DAP: variants seen among roughly 807,000 people sequenced by gnomAD.
The protein encoded by DAP is death-associated protein 1.
A neutral mutation model predicts 13.8 loss-of-function variants in DAP; 8 were observed. The ratio of observed to expected loss-of-function variants is 0.58; its 90% CI spans 0.34 to 1.05. The LOEUF (loss-of-function observed/expected upper bound fraction) is 1.05. Ranked by LOEUF, DAP falls within the 50% of genes least tolerant of loss-of-function variation. The probability of loss-of-function intolerance (pLI) is 0.03; values close to 1 mark genes in which losing one functional copy is unlikely to be tolerated. For synonymous variants in DAP, 47 were observed against 47.5 expected, an observed-to-expected ratio of 0.99 and a Z score of 0.04; for missense variants, 106 against 133.2, an observed-to-expected ratio of 0.80 and a Z score of 1.01.
At chr5:10,723,355 C>G (rs267974) in intron 2 of DAP, among the ~76,000 whole-genome samples, 141,628 of 152,348 alleles carry the variant, frequency 0.93, 66,146 homozygotes, top group Non-Finnish European at 0.97. Context: ...GCACAGAGCT[C>G]CTCAGCTGGC....
chr5:10,736,504 G>A (rs1018108398), intron 2 of DAP, among the ~76,000 whole-genome samples: 11 of 152,226 alleles, frequency 7.2e-5, no homozygotes, highest in East Asian at 3.9e-4. Flanking sequence ...GGCTTCACAC[G>A]CAGCGGATGC....
intron 1 of DAP, among the ~76,000 whole-genome samples, chr5:10,754,280 CTTGCCCCCAGA>C (rs768107464): frequency 3.8e-4 from 58 of 152,310 alleles, no homozygotes; most frequent in Middle Eastern, 6.8e-3. Context: ...CAATGAGAAC[CTTGCCCCCAGA>C]CCAAGTGGAG....
chr5:10,750,148 C>T (rs1324734147), intron 1 of DAP, among the ~76,000 whole-genome samples: 7 of 152,150 alleles, frequency 4.6e-5, no homozygotes, highest in African/African-American at 7.2e-5. Flanking sequence ...GCTAACATCA[C>T]GATACAGTCA....
At chr5:10,731,339 G>C (rs963826549) in intron 2 of DAP, among the ~76,000 whole-genome samples, 1 of 152,310 alleles carries the variant, frequency 6.6e-6, no homozygotes, top group East Asian at 1.9e-4. Flanking sequence ...GTGGAGGAAA[G>C]GGAGGAATCT....
Position 10,761,216 on chromosome 5 carries a change from G to C in DAP, c.-148C>G. ...TGGGGCGCCGGGGCCGCGCGAGCCG[G>C]GTGAGTGCCACTGCCGTTAAGGGGG... On this transcript the variant is annotated 5_prime_UTR_variant, in exon 1 of 4. Coordinates refer to ENST00000230895, the MANE Select transcript of DAP (RefSeq NM_004394.3). 3.7e-6 allele frequency: 1 copy of C among 269,124 alleles called. No homozygotes were observed. The highest frequency in any genetic ancestry group is 6.5e-6 in the Non-Finnish European group (1 of 154,300). The allele number at this position is 269,124 out of a possible 1,614,324, so 16.7% of individuals were successfully genotyped here. A position where few individuals can be genotyped will look rare whatever the true frequency, so the allele number is the denominator to read the frequency against.
chr5:10,704,634 AG>A (rs1421520675), intron 2 of DAP, among the ~76,000 whole-genome samples: 1 of 152,220 alleles, frequency 6.6e-6, no homozygotes, highest in Non-Finnish European at 1.5e-5. Flanking sequence ...CCCTTGGCAA[AG>A]CAGAATAGAA....
chr5:10,724,148 T>C (rs923677027), intron 2 of DAP, among the ~76,000 whole-genome samples: 15 of 152,222 alleles, frequency 9.9e-5, no homozygotes, highest in African/African-American at 2.2e-4. Flanking sequence ...GCACCTCTAA[T>C]CCTGTTTAAG....
At chr5:10,746,908 T>C (rs991189188) in intron 2 of DAP, among the ~76,000 whole-genome samples, 1 of 152,186 alleles carries the variant, frequency 6.6e-6, no homozygotes, top group Non-Finnish European at 1.5e-5. Context: ...TTGGCAACTA[T>C]CCATTTGGAA....
intron 1 of DAP, among the ~76,000 whole-genome samples, chr5:10,760,683 T>A (rs1740320124): frequency 6.6e-6 from 1 of 152,206 alleles, no homozygotes; most frequent in Non-Finnish European, 1.5e-5. Flanking sequence ...TCTAAGTAAA[T>A]ATTATCCGCC....
intron 2 of DAP, among the ~76,000 whole-genome samples, chr5:10,732,827 C>A (rs1182622437): frequency 6.6e-6 from 1 of 152,240 alleles, no homozygotes; most frequent in East Asian, 1.9e-4. Flanking sequence ...ACAAAACTTA[C>A]CATCTTAACC....
intron 2 of DAP, among the ~76,000 whole-genome samples, chr5:10,724,866 C>T (rs1429165104): frequency 2.0e-5 from 3 of 152,146 alleles, no homozygotes; most frequent in African/African-American, 7.2e-5. Flanking sequence ...CAGAGTCAAG[C>T]TCTGACAAAC....
chr5:10,745,114 T>C (rs1739868023), intron 2 of DAP, among the ~76,000 whole-genome samples: 1 of 152,168 alleles, frequency 6.6e-6, no homozygotes, highest in African/African-American at 2.4e-5. Flanking sequence ...TGATGATTGA[T>C]TATGATTATT....
intron 2 of DAP, among the ~76,000 whole-genome samples, chr5:10,727,013 CAG>C (rs1208635278): frequency 6.6e-6 from 1 of 152,144 alleles, no homozygotes; most frequent in Non-Finnish European, 1.5e-5. Flanking sequence ...GAGGGAGAGA[CAG>C]AGACTTAGCT....
chr5:10,740,214 G>T (rs923622587), intron 2 of DAP, among the ~76,000 whole-genome samples: 1 of 152,010 alleles, frequency 6.6e-6, no homozygotes, highest in Admixed American at 6.5e-5. Context: ...AAGGAGTCAG[G>T]TTCAAAAGAA....
chr5:10,733,679 G>A (rs1278742114), intron 2 of DAP: 1 of 152,220 alleles, frequency 6.6e-6, no homozygotes, highest in Non-Finnish European at 1.5e-5. Context: ...CGAGAGAGAA[G>A]GGAAGGCCCA....
intron 2 of DAP, among the ~76,000 whole-genome samples, chr5:10,725,809 T>C (rs1051150040): frequency 3.4e-4 from 52 of 152,236 alleles, no homozygotes; most frequent in African/African-American, 1.2e-3. Context: ...TCACATCTTA[T>C]TTGTCAGTTA....
chr5:10,720,101 T>G (rs981079431), intron 2 of DAP, among the ~76,000 whole-genome samples: 1 of 152,208 alleles, frequency 6.6e-6, no homozygotes, highest in Non-Finnish European at 1.5e-5. Flanking sequence ...GGGAGGTCAT[T>G]CCAAGCGGTC....
At position 10,680,039 on chromosome 5, in the gene DAP, G is replaced by A. The variant is rs1457059535; in HGVS notation, c.*1017C>T. 1 of 152,618 alleles carries A rather than the reference G, an allele frequency of 6.6e-6. No homozygotes were observed. The highest frequency in any genetic ancestry group is 1.9e-4 in the East Asian group (1 of 5,340). 9.5% of individuals were successfully genotyped at this position (152,618 alleles called of 1,614,324 possible). A position where few individuals can be genotyped will look rare whatever the true frequency, so the allele number is the denominator to read the frequency against. ...TCATCTAAAAATCGGAGGACAACCT[G>A]ATGCACCCAAGTGACAATGGACCCA... On this transcript the variant is annotated 3_prime_UTR_variant, in exon 4 of 4. Transcript: ENST00000230895.
intron 2 of DAP, among the ~76,000 whole-genome samples, chr5:10,739,785 A>ACT (rs1241972219): frequency 1.6e-5 from 1 of 62,912 alleles, no homozygotes; most frequent in Non-Finnish European, 3.2e-5. Context: ...TACTAAATTA[A>ACT]CTCACACACA....
Sources: gnomAD v4.1 joint callset for allele counts (sites outside exome capture counted in the v4.1 genomes callset) on GRCh38, gnomAD v4.1.1 for gene constraint, MANE v1.5 for transcripts, NCBI Gene and HGNC (gene_info 2026-07-23, HGNC 2026-07-21) for gene names.